Variants in ZNF433 observed in about 807,000 individuals in gnomAD.
The protein encoded by ZNF433 is zinc finger protein 433.
ZNF433 carries 12 observed loss-of-function variants against 10.6 expected under a neutral mutation model. The ratio of observed to expected loss-of-function variants is 1.13; its 90% CI spans 0.72 to 1.83. The LOEUF (loss-of-function observed/expected upper bound fraction) is 1.83, where lower values mean the gene tolerates loss of function less well. Ranked by LOEUF, ZNF433 falls within the 40% of genes most tolerant of loss-of-function variation. ZNF433 has a pLI of 0.00. For synonymous variants in ZNF433, 272 were observed against 271.3 expected (o/e 1.00, Z -0.02); for missense variants, 737 against 798.0 (o/e 0.92, Z 0.92).
At chr19:12,023,724 G>T (rs1436252800) in intron 1 of ZNF433, 1 of 152,066 alleles carries the variant, frequency 6.6e-6, no homozygotes, top group Non-Finnish European at 1.5e-5. Flanking sequence ...TCTGTATTTT[G>T]CATTGTGAAG....
chr19:12,018,478 C>T, intron 1 of ZNF433, 186 bp from the exon 2 acceptor site: 1 of 578,776 alleles, frequency 1.7e-6, no homozygotes, highest in Non-Finnish European at 2.6e-6. Flanking sequence ...TACAACTGAA[C>T]CATGTGGTAA....
chr19:12,018,250 C>T lies in ZNF433; in HGVS notation c.46G>A (p.Glu16Lys). 1 of 1,613,644 alleles carries T rather than the reference C, an allele frequency of 6.2e-7. No individual in the cohort carries two copies. The highest frequency in any genetic ancestry group is 1.1e-5 in the South Asian group (1 of 91,024). ...GAAGGATCCAGCAAAGCCCACTCCT[C>T]TTGGGTGAAGGTCACAGCCACATCC... is the stretch of plus-strand genomic sequence containing the variant. ...FEDVAVTFTQ[E>K]EWALLDPSQK... The change falls in exon 2 of 4, where the codon GAG (glutamate) becomes AAG (lysine). Residue 16 changes from glutamate (E) to lysine (K), a missense_variant. By Grantham distance (56) the Glu-to-Lys change is moderately conservative (BLOSUM62 1). Coordinates refer to ENST00000550507, the MANE Select transcript of ZNF433 (RefSeq NM_001308348.2).
rs769133572 is a variant in ZNF433, at chr19:12,016,498, G to C, written c.360C>G (p.Ile120Met). Residue 120 changes from isoleucine to methionine, a missense_variant, in exon 4 of 4, where the codon ATC (isoleucine) becomes ATG (methionine). Ile to Met is a conservative substitution (Grantham distance 10). Coordinates refer to ENST00000550507, the MANE Select transcript of ZNF433 (RefSeq NM_001308348.2). ...GSAHSSLNRH[I>M]RDDTGHKAYE... The stretch of plus-strand genomic sequence containing the variant: ...ATGCCTTGTGTCCAGTGTCATCTCT[G>C]ATGTGCCTATTAAGAGATGAATGAG... 1.9e-6 allele frequency: 3 copies of C among 1,613,934 alleles called. No homozygotes were observed. The highest frequency in any genetic ancestry group is 2.5e-6 in the Non-Finnish European group (3 of 1,179,992).
chr19:12,029,090 A>G (rs912015069), intron 1 of ZNF433, among the ~76,000 whole-genome samples: 3 of 152,242 alleles, frequency 2.0e-5, no homozygotes, highest in Non-Finnish European at 2.9e-5. Flanking sequence ...ACACACACTG[A>G]TTATCACTGT....
intron 1 of ZNF433, among the ~76,000 whole-genome samples, chr19:12,022,559 A>C (rs1025443776): frequency 1.3e-5 from 2 of 152,092 alleles, no homozygotes; most frequent in African/African-American, 4.8e-5. Context: ...GTGTCACCGG[A>C]GTAACAGTTG....
chr19:12,016,647 A>G lies in ZNF433; in HGVS notation c.211T>C (p.Phe71Leu). The G allele has an allele frequency of 6.2e-7, 1 of 1,614,006 alleles. No individual in the cohort carries two copies. Among genetic ancestry groups the G allele is most frequent in the Non-Finnish European group, 8.5e-7 (1 of 1,179,992 alleles). The change falls in exon 4 of 4, where the codon TTT becomes CTT. Residue 71 changes from phenylalanine to leucine, a missense_variant. By Grantham distance (22) the Phe-to-Leu change is conservative. Coordinates refer to ENST00000550507, the MANE Select transcript of ZNF433 (RefSeq NM_001308348.2). Reference protein sequence around the residue: ...RNLRIVGERLFESKEGHQHGE... With the variant: ...RNLRIVGERLLESKEGHQHGE... ...TGCTGATGACCTTCTTTACTTTCAA[A>G]GAGTCTCTCTCCCACAATTCTGTGA...
Position 12,021,188 on chromosome 19 carries a change from G to A in ZNF433, c.4-2896C>T, listed in dbSNP as rs989334028. Among the ~76,000 whole-genome samples the A allele has an allele frequency of 2.6e-5, 4 of 151,834 alleles. No homozygotes were observed. In the East Asian group the frequency reaches 7.8e-4, roughly 30 times the overall value. ...GTAGAGACGGGGGTTTCACCATGTT[G>A]GCCAAGCTGGTCTCAAACTCCTGAC... On this transcript the variant is annotated intron_variant, in intron 1 of 3. Coordinates refer to ENST00000550507, the MANE Select transcript of ZNF433 (RefSeq NM_001308348.2).
intron 1 of ZNF433, among the ~76,000 whole-genome samples, chr19:12,019,027 G>A (rs921777327): frequency 7.4e-5 from 10 of 135,842 alleles, no homozygotes; most frequent in Middle Eastern, 4.2e-3. Context: ...TCCAGCCTGA[G>A]TGACAGAGCA....
At position 12,014,768 on chromosome 19, in the gene ZNF433, C is replaced by G; in HGVS notation, c.*77G>C. 1 of 1,042,608 alleles carries G rather than the reference C, an allele frequency of 9.6e-7. No individual in the cohort carries two copies. Among genetic ancestry groups the G allele is most frequent in the Admixed American group, 3.0e-5 (1 of 33,256 alleles). 64.6% of individuals were successfully genotyped at this position (1,042,608 alleles called of 1,614,324 possible). On this transcript the variant is annotated 3_prime_UTR_variant, in exon 4 of 4. Transcript: ENST00000550507. ...ATTTATTTAATTTTTATAACAGAGTCTCACTATGTTGCCCAGGCTGGTCTT... is the reference window on the plus strand; with the variant it reads ...ATTTATTTAATTTTTATAACAGAGTGTCACTATGTTGCCCAGGCTGGTCTT...
Position 12,015,505 on chromosome 19 carries a change from T to G in ZNF433, c.1353A>C (p.Glu451Asp). ...HTGEKPYACK[E>D]CGKPFSNFSF... is the part of the protein sequence containing the mutation. Reference sequence around the variant, plus strand: ...AGAAATTACTAAATGGTTTTCCACATTCCTTACATGCATAGGGTTTCTCTC... The same window carrying G: ...AGAAATTACTAAATGGTTTTCCACAGTCCTTACATGCATAGGGTTTCTCTC... The change falls in exon 4 of 4, where the codon GAA becomes GAC. Residue 451 changes from glutamate (E) to aspartate (D), a missense_variant. Transcript: ENST00000550507. 6.2e-7 allele frequency: 1 copy of G among 1,612,642 alleles called. No homozygotes were observed. Among genetic ancestry groups the G allele is most frequent in the African/African-American group, 1.3e-5 (1 of 74,532 alleles).
Position 12,032,254 on chromosome 19 carries a change from G to T in ZNF433, c.3+3283C>A, listed in dbSNP as rs778076260. 8.6e-4 allele frequency among the ~76,000 whole-genome samples: 131 copies of T among 151,868 alleles called. 1 individual carries two copies. Among genetic ancestry groups the T allele is most frequent in the Admixed American group, 1.6e-3 (24 of 15,230 alleles). On this transcript the variant is annotated intron_variant, in intron 1 of 3. Coordinates refer to ENST00000550507, the MANE Select transcript of ZNF433 (RefSeq NM_001308348.2). Reference sequence around the variant, plus strand: ...CGCCTGGCCAGAACTGATATTTTGGGTACTCTTTGTAATTCACCAATCTAC... The same window carrying T: ...CGCCTGGCCAGAACTGATATTTTGGTTACTCTTTGTAATTCACCAATCTAC...
intron 3 of ZNF433, among the ~76,000 whole-genome samples, chr19:12,017,540 TA>T (rs1568331551): frequency 6.6e-6 from 1 of 152,010 alleles, no homozygotes; most frequent in Non-Finnish European, 1.5e-5. Context: ...ATTTTACAAA[TA>T]CTAAATATCT....
At chr19:12,021,305 G>C (rs1216764387) in intron 1 of ZNF433, among the ~76,000 whole-genome samples, 1 of 152,068 alleles carries the variant, frequency 6.6e-6, no homozygotes, top group Admixed American at 6.6e-5. Context: ...GACCAAACTT[G>C]ATCTCACAGC....
intron 1 of ZNF433, chr19:12,021,977 C>T (rs867072954): frequency 1.9e-4 from 89 of 456,708 alleles, no homozygotes; most frequent in African/African-American, 1.7e-3. Flanking sequence ...GCTGCCAATT[C>T]AACCGTCACG....
chr19:12,024,202 GACTT>G (rs1440784084), intron 1 of ZNF433: 2 of 152,162 alleles, frequency 1.3e-5, no homozygotes, highest in African/African-American at 4.8e-5. Context: ...AATGTTAACT[GACTT>G]AAGAGCCATT....
intron 1 of ZNF433, among the ~76,000 whole-genome samples, chr19:12,032,485 ATTTT>A (rs112747052): frequency 2.2e-4 from 31 of 141,304 alleles, no homozygotes; most frequent in Middle Eastern, 3.9e-3. Context: ...CTAAATAGCG[ATTTT>A]TTTTTTTTTT....
intron 1 of ZNF433, chr19:12,034,430 A>G (rs1241924767): frequency 5.9e-6 from 1 of 169,624 alleles, no homozygotes; most frequent in African/African-American, 2.4e-5. Flanking sequence ...AGGCTTCACT[A>G]TACCTGGACA....
rs569860899 is a variant in ZNF433 at position 12,028,594 on chromosome 19, A to C, written c.3+6943T>G. Among the ~76,000 whole-genome samples the C allele has an allele frequency of 3.9e-5, 6 of 152,390 alleles. No individual in the cohort carries two copies. In the East Asian group the frequency reaches 7.7e-4, roughly 20 times the overall value. On this transcript the variant is annotated intron_variant, in intron 1 of 3. Transcript: ENST00000550507. ...TGTGCAGAAATAACTATCAGTGCAC[A>C]TGGAAATACCAGCAACAACCTACTG...
intron 1 of ZNF433, among the ~76,000 whole-genome samples, chr19:12,020,109 T>C (rs1974411577): frequency 6.6e-6 from 1 of 151,986 alleles, no homozygotes; most frequent in African/African-American, 2.4e-5. Context: ...CCATCTCTAC[T>C]AAAAATACAA....
Sources: gnomAD v4.1 joint callset for allele counts (sites outside exome capture counted in the v4.1 genomes callset) on GRCh38, gnomAD v4.1.1 for gene constraint, MANE v1.5 for transcripts, NCBI Gene and HGNC (gene_info 2026-07-23, HGNC 2026-07-21) for gene names.